Variants in EYA2 observed in about 807,000 individuals in gnomAD.
EYA2 encodes protein phosphatase EYA2.
EYA2 carries 31 observed loss-of-function variants against 69.2 expected under a neutral mutation model. The ratio of observed to expected loss-of-function variants is 0.45; its 90% CI spans 0.34 to 0.60. The LOEUF is 0.60. Ranked by LOEUF, EYA2 falls within the 20% of genes least tolerant of loss-of-function variation. The probability of loss-of-function intolerance (pLI) is 0.02; values close to 1 mark genes in which losing one functional copy is unlikely to be tolerated. For missense variants in EYA2, 622 were observed against 701.2 expected (o/e 0.89, Z 1.28); for synonymous variants, 257 against 279.4 (o/e 0.92, Z 0.80).
At chr20:47,066,695 G>T (rs1009996801) in intron 5 of EYA2, among the ~76,000 whole-genome samples, 1 of 152,182 alleles carries the variant, frequency 6.6e-6, no homozygotes, top group Admixed American at 6.5e-5. Context: ...TCTGGGAATT[G>T]TAGTTTTTAT....
At chr20:46,923,120 C>G (rs1196377976) in intron 1 of EYA2, among the ~76,000 whole-genome samples, 1 of 152,202 alleles carries the variant, frequency 6.6e-6, no homozygotes, top group African/African-American at 2.4e-5. Context: ...GTAATCCAAG[C>G]ACTTTGGGAG....
At chr20:47,105,677 A>C (rs74797979) in intron 9 of EYA2, among the ~76,000 whole-genome samples, 2,399 of 151,446 alleles carry the variant, frequency 0.016, 52 homozygotes, top group African/African-American at 0.053. Flanking sequence ...AAACCACCTG[A>C]TGCGTTAAAT....
chr20:47,122,289 G>GTTTTTTTTTT (rs1180670988), intron 9 of EYA2, among the ~76,000 whole-genome samples: 2 of 110,852 alleles, frequency 1.8e-5, no homozygotes, highest in African/African-American at 7.9e-5. Context: ...TATTTTCTTG[G>GTTTTTTTTTT]TTTTTTTTTT....
At chr20:46,933,841 A>G (rs529867870) in intron 1 of EYA2, among the ~76,000 whole-genome samples, 1 of 152,316 alleles carries the variant, frequency 6.6e-6, no homozygotes, top group Admixed American at 6.5e-5. Context: ...GTAATGAGAG[A>G]GGCAGGAAGA....
chr20:47,014,172 G>A (rs546831386), intron 4 of EYA2, among the ~76,000 whole-genome samples: 22 of 152,206 alleles, frequency 1.4e-4, no homozygotes, highest in Middle Eastern at 3.4e-3. Flanking sequence ...AAGAAAGGAG[G>A]CCTCCAACCT....
chr20:47,126,534 G>C (rs909583743), intron 9 of EYA2, among the ~76,000 whole-genome samples: 1 of 152,174 alleles, frequency 6.6e-6, no homozygotes, highest in African/African-American at 2.4e-5. Flanking sequence ...CTTGAGACAA[G>C]AAAGTGGCAC....
Position 47,030,766 on chromosome 20 carries a change from C to CT in EYA2, c.415+14476dup, listed in dbSNP as rs564395341. Among the ~76,000 whole-genome samples the CT allele has an allele frequency of 1.1e-4, 16 of 152,190 alleles. No homozygotes were observed. In the East Asian group the frequency reaches 2.7e-3, roughly 26 times the overall value. On this transcript the variant is annotated intron_variant, in intron 5 of 15. Coordinates refer to ENST00000327619, the MANE Select transcript of EYA2 (RefSeq NM_005244.5). ...CAGAGAGAGAAATCTCCGGTGTCTC[C>CT]TTTTTTTGAAAGACAGGGTCTTGCT... is the stretch of plus-strand genomic sequence containing the variant.
intron 1 of EYA2, among the ~76,000 whole-genome samples, chr20:46,913,372 G>A (rs189286022): frequency 1.3e-3 from 197 of 152,284 alleles, no homozygotes; most frequent in Middle Eastern, 6.8e-3. Flanking sequence ...ATGTAGTTAG[G>A]GAAGTAGCCA....
intron 1 of EYA2, among the ~76,000 whole-genome samples, chr20:46,953,556 C>T (rs868116996): frequency 1.7e-4 from 26 of 152,136 alleles, no homozygotes; most frequent in African/African-American, 6.3e-4. Context: ...GCGGTATGGA[C>T]AGATGTACGG....
chr20:47,124,076 A>G (rs1018309721), intron 9 of EYA2, among the ~76,000 whole-genome samples: 2 of 152,034 alleles, frequency 1.3e-5, no homozygotes, highest in Non-Finnish European at 2.9e-5. Context: ...GGCACTTGCC[A>G]GTATCTTCCA....
chr20:47,154,214 T>G (rs1217330662), intron 10 of EYA2, among the ~76,000 whole-genome samples: 1 of 151,958 alleles, frequency 6.6e-6, no homozygotes, highest in Non-Finnish European at 1.5e-5. Context: ...CCTCAATGCA[T>G]GTACATGGAG....
chr20:46,910,203 TG>T lies in EYA2; in HGVS notation c.-11+15220del, dbSNP rs1433359950. 2.0e-5 allele frequency among the ~76,000 whole-genome samples: 3 copies of T among 152,208 alleles called. No homozygotes were observed. The East Asian group carries it at 5.8e-4, about 29-fold the overall frequency. ...ATGTTACTGGCATCTGCTCAGCTTC[TG>T]GGGAGGCCTTAGGAAACTTACAATC... On this transcript the variant is annotated intron_variant, in intron 1 of 15. Coordinates refer to ENST00000327619, the MANE Select transcript of EYA2 (RefSeq NM_005244.5).
At chr20:47,075,929 C>T (rs1568762241) in intron 7 of EYA2, among the ~76,000 whole-genome samples, 1 of 152,146 alleles carries the variant, frequency 6.6e-6, no homozygotes, top group Non-Finnish European at 1.5e-5. Flanking sequence ...TGTTTAGCTC[C>T]CACTTATAAG....
chr20:47,152,299 C>CCTGT (rs2033838381), intron 10 of EYA2, among the ~76,000 whole-genome samples: 1 of 151,934 alleles, frequency 6.6e-6, no homozygotes, highest in African/African-American at 2.4e-5. Context: ...ACGCTGTACA[C>CCTGT]ATACCTCCTA....
chr20:47,006,922 A>G (rs1289561732), intron 4 of EYA2, among the ~76,000 whole-genome samples: 3 of 152,098 alleles, frequency 2.0e-5, no homozygotes, highest in African/African-American at 7.2e-5. Context: ...GAGATAGAAA[A>G]AAAAGTTTTT....
At chr20:47,072,314 A>G in intron 6 of EYA2, 62 bp downstream of exon 6, 1 of 1,497,580 alleles carries the variant, frequency 6.7e-7, no homozygotes, top group Non-Finnish European at 9.1e-7. Flanking sequence ...CCCTTACATC[A>G]GGGCACCCAG....
At chr20:46,986,179 T>G (rs1387462776) in intron 1 of EYA2, among the ~76,000 whole-genome samples, 1 of 151,746 alleles carries the variant, frequency 6.6e-6, no homozygotes, top group Non-Finnish European at 1.5e-5. Context: ...GGAGTGCCTG[T>G]GGCATTTGAG....
At chr20:46,993,126 G>T (rs1401786492) in intron 2 of EYA2, among the ~76,000 whole-genome samples, 3 of 152,164 alleles carry the variant, frequency 2.0e-5, no homozygotes, top group Non-Finnish European at 4.4e-5. Context: ...CCTGGCTAGT[G>T]GCCTAACCTC....
At chr20:46,966,233 C>A (rs4810581) in intron 1 of EYA2, among the ~76,000 whole-genome samples, 1 of 151,918 alleles carries the variant, frequency 6.6e-6, no homozygotes, top group African/African-American at 2.4e-5. Context: ...GTGATCCTGC[C>A]GCCTCCGCAT....
Sources: gnomAD v4.1 joint callset for allele counts (sites outside exome capture counted in the v4.1 genomes callset) on GRCh38, gnomAD v4.1.1 for gene constraint, MANE v1.5 for transcripts, NCBI Gene and HGNC (gene_info 2026-07-23, HGNC 2026-07-21) for gene names.